MACROD2: variants seen among roughly 807,000 people sequenced by gnomAD.
MACROD2 encodes the protein mono-ADP ribosylhydrolase 2, also known as ADP-ribose glycohydrolase MACROD2.
In MACROD2, 36 loss-of-function variants were observed where a neutral mutation model predicts 70.4. The observed-to-expected ratio is 0.51, with a 90% CI of 0.39 to 0.68. The LOEUF is 0.68. Ranked by LOEUF, MACROD2 falls within the 30% of genes least tolerant of loss-of-function variation. The probability of loss-of-function intolerance (pLI) is 0.00; values close to 1 mark genes in which losing one functional copy is unlikely to be tolerated. For missense variants in MACROD2, 496 were observed against 538.4 expected (o/e 0.92, Z 0.78); for synonymous variants, 172 against 178.8 (o/e 0.96, Z 0.30).
chr20:14,481,084 C>G (rs1045084629), intron 3 of MACROD2, among the ~76,000 whole-genome samples: 2 of 151,918 alleles, frequency 1.3e-5, no homozygotes, highest in African/African-American at 4.8e-5. Flanking sequence ...AAACTTAGGA[C>G]AAATGAAAAC....
intron 15 of MACROD2, among the ~76,000 whole-genome samples, chr20:16,004,685 C>T (rs115706372): frequency 0.012 from 1,894 of 152,370 alleles, 33 homozygotes; most frequent in African/African-American, 0.043. Flanking sequence ...CTCCCACACA[C>T]AGCCGCAGGA....
At chr20:14,454,353 A>G (rs1600253034) in intron 3 of MACROD2, among the ~76,000 whole-genome samples, 1 of 150,958 alleles carries the variant, frequency 6.6e-6, no homozygotes, top group East Asian at 1.9e-4. Context: ...TCTAGTTCTT[A>G]TTTTTAACAT....
intron 8 of MACROD2, among the ~76,000 whole-genome samples, chr20:15,675,858 G>A (rs1366966518): frequency 6.6e-6 from 1 of 152,146 alleles, no homozygotes; most frequent in Non-Finnish European, 1.5e-5. Flanking sequence ...TCTTGTGGCA[G>A]TGATGACATT....
intron 5 of MACROD2, among the ~76,000 whole-genome samples, chr20:14,802,793 CA>C: frequency 1.3e-5 from 2 of 151,816 alleles, no homozygotes; most frequent in Non-Finnish European, 2.9e-5. Context: ...CACACACACA[CA>C]CACACACACA....
At chr20:14,013,202 A>G (rs2052937667) in intron 2 of MACROD2, among the ~76,000 whole-genome samples, 1 of 151,014 alleles carries the variant, frequency 6.6e-6, no homozygotes, top group Admixed American at 6.6e-5. Context: ...CAATATATTT[A>G]TTGAAAGAAT....
At chr20:14,880,965 G>A (rs1181472296) in intron 5 of MACROD2, among the ~76,000 whole-genome samples, 1 of 152,042 alleles carries the variant, frequency 6.6e-6, no homozygotes, top group Non-Finnish European at 1.5e-5. Context: ...CTGGAGGGTT[G>A]GAGAGCTGCG....
intron 8 of MACROD2, among the ~76,000 whole-genome samples, chr20:15,777,857 C>G (rs564764604): frequency 1.1e-4 from 16 of 152,230 alleles, no homozygotes; most frequent in African/African-American, 3.4e-4. Context: ...GCTGGCCAGG[C>G]TGGTTCTGGT....
At chr20:15,332,393 G>C (rs189257740) in intron 6 of MACROD2, among the ~76,000 whole-genome samples, 1 of 151,554 alleles carries the variant, frequency 6.6e-6, no homozygotes, top group African/African-American at 2.4e-5. Flanking sequence ...AAAATTAGGC[G>C]CAAGTAAAAT....
At chr20:14,252,043 T>G (rs899721265) in intron 3 of MACROD2, among the ~76,000 whole-genome samples, 1 of 152,110 alleles carries the variant, frequency 6.6e-6, no homozygotes, top group Non-Finnish European at 1.5e-5. Flanking sequence ...TGTCTACCAC[T>G]TAATCTTTTA....
At chr20:14,106,231 G>A (rs978004891) in intron 3 of MACROD2, among the ~76,000 whole-genome samples, 1 of 152,186 alleles carries the variant, frequency 6.6e-6, no homozygotes, top group Non-Finnish European at 1.5e-5. Flanking sequence ...GACCCCTTGG[G>A]TTTTAAGTGA....
intron 3 of MACROD2, among the ~76,000 whole-genome samples, chr20:14,355,772 A>G (rs2083166295): frequency 6.6e-6 from 1 of 152,160 alleles, no homozygotes; most frequent in Non-Finnish European, 1.5e-5. Flanking sequence ...TTTTATGATA[A>G]TATATATTGT....
chr20:15,464,035 G>A (rs1293445351), intron 7 of MACROD2, among the ~76,000 whole-genome samples: 1 of 152,084 alleles, frequency 6.6e-6, no homozygotes, highest in Admixed American at 6.5e-5. Context: ...ATCTCACATA[G>A]CTTGTAGTTT....
intron 5 of MACROD2, among the ~76,000 whole-genome samples, chr20:15,002,974 G>A (rs1005069761): frequency 6.6e-6 from 1 of 152,144 alleles, no homozygotes; most frequent in African/African-American, 2.4e-5. Flanking sequence ...TACAGTGTGT[G>A]TTACTTCCTA....
At chr20:15,247,445 G>A (rs1394187002) in intron 6 of MACROD2, among the ~76,000 whole-genome samples, 1 of 152,136 alleles carries the variant, frequency 6.6e-6, no homozygotes, top group Non-Finnish European at 1.5e-5. Flanking sequence ...GCTGTGAAGA[G>A]CTTTATAGAA....
intron 2 of MACROD2, among the ~76,000 whole-genome samples, chr20:14,081,953 A>G (rs1429671375): frequency 5.3e-5 from 8 of 152,268 alleles, no homozygotes. Context: ...CATAATGCTG[A>G]TAACTTGAGT....
intron 3 of MACROD2, among the ~76,000 whole-genome samples, chr20:14,306,471 A>T (rs111843307): frequency 1.3e-5 from 2 of 152,074 alleles, no homozygotes; most frequent in Non-Finnish European, 2.9e-5. Context: ...CAGTCTGTGG[A>T]TCTCCATCTA....
chr20:15,778,582 G>A (rs2051771999), intron 8 of MACROD2, among the ~76,000 whole-genome samples: 1 of 151,876 alleles, frequency 6.6e-6, no homozygotes, highest in Non-Finnish European at 1.5e-5. Flanking sequence ...TTTAATCCCT[G>A]GATGAATTTT....
At chr20:15,749,258 C>T (rs561557867) in intron 8 of MACROD2, among the ~76,000 whole-genome samples, 1 of 152,144 alleles carries the variant, frequency 6.6e-6, no homozygotes, top group African/African-American at 2.4e-5. Flanking sequence ...CATCCAGACA[C>T]TTGCTGGTCT....
intron 5 of MACROD2, among the ~76,000 whole-genome samples, chr20:15,133,550 A>G (rs1304007162): frequency 6.6e-6 from 1 of 152,086 alleles, no homozygotes; most frequent in Admixed American, 6.5e-5. Context: ...TTGATAAAGG[A>G]CTCTCAATTC....
Sources: allele counts gnomAD v4.1 joint callset (sites outside exome capture counted in the v4.1 genomes callset), GRCh38; gene constraint gnomAD v4.1.1; transcripts MANE v1.5; gene names NCBI Gene and HGNC (gene_info 2026-07-23, HGNC 2026-07-21).